PIGL: variants seen among roughly 807,000 people sequenced by gnomAD.
The protein encoded by PIGL is phosphatidylinositol glycan anchor biosynthesis class L.
PIGL carries 22 observed loss-of-function variants against 31.1 expected under a neutral mutation model. The ratio of observed to expected loss-of-function variants is 0.71; its 90% CI spans 0.51 to 1.01. PIGL has a LOEUF of 1.01. PIGL is among the 50% of genes least tolerant of loss of function. The pLI, the probability that PIGL is intolerant of heterozygous loss-of-function variation, is 0.00. For missense variants in PIGL, 302 were observed against 315.9 expected, an observed-to-expected ratio of 0.96 and a Z score of 0.33; for synonymous variants, 131 against 117.4, an observed-to-expected ratio of 1.12 and a Z score of -0.75.
At chr17:16,229,858 A>ATTTTTTTTTTTTTT (rs71150280) in intron 1 of PIGL, among the ~76,000 whole-genome samples, 2 of 97,700 alleles carry the variant, frequency 2.0e-5, no homozygotes, top group Non-Finnish European at 3.7e-5. Context: ...TAAAGTCATG[A>ATTTTTTTTTTTTTT]TTTTTTTTTT....
chr17:16,316,508 G>A (rs550984724), intron 4 of PIGL, among the ~76,000 whole-genome samples, 173 bp from the exon 5 acceptor site: 1 of 152,172 alleles, frequency 6.6e-6, no homozygotes, highest in Non-Finnish European at 1.5e-5. Context: ...TTCAGCTGTT[G>A]CCAGAGGTAT....
At chr17:16,235,069 A>C (rs907759525) in intron 2 of PIGL, among the ~76,000 whole-genome samples, 1 of 152,162 alleles carries the variant, frequency 6.6e-6, no homozygotes, top group African/African-American at 2.4e-5. Flanking sequence ...GAAAACTCCA[A>C]CCACCAGGTT....
chr17:16,224,858 G>A (rs530893640), intron 1 of PIGL, among the ~76,000 whole-genome samples: 3 of 151,354 alleles, frequency 2.0e-5, no homozygotes, highest in Admixed American at 6.6e-5. Flanking sequence ...GGGTTTCACC[G>A]TGTTAGCCAG....
rs183917402 is a variant in PIGL at position 16,311,548 on chromosome 17, G to T, written c.427-1999G>T. 4.2e-3 allele frequency among the ~76,000 whole-genome samples: 588 copies of T among 141,578 alleles called. 8 individuals are homozygous for T. The highest frequency in any genetic ancestry group is 0.015 in the African/African-American group (554 of 37,234). 92.9% of individuals were successfully genotyped at this position (141,578 alleles called of 152,430 possible). A position where few individuals can be genotyped will look rare whatever the true frequency, so the allele number is the denominator to read the frequency against. On this transcript the variant is annotated intron_variant, in intron 3 of 6. Coordinates refer to ENST00000225609, the MANE Select transcript of PIGL (RefSeq NM_004278.4). ...GTCATAGGACAATAGTGGAGGGAAG[G>T]TCAGCAGATAAACAAGTGAACAAAG...
intron 2 of PIGL, among the ~76,000 whole-genome samples, chr17:16,274,001 A>T (rs1181382906): frequency 6.6e-6 from 1 of 152,168 alleles, no homozygotes; most frequent in Non-Finnish European, 1.5e-5. Flanking sequence ...TAGCAAACTG[A>T]TGGCCTCCAT....
intron 4 of PIGL, among the ~76,000 whole-genome samples, chr17:16,316,391 C>G (rs1408478829): frequency 6.6e-6 from 1 of 152,232 alleles, no homozygotes; most frequent in Non-Finnish European, 1.5e-5. Flanking sequence ...GAGTCCAGCA[C>G]AGTTACCTTC....
At chr17:16,307,524 A>G (rs2093031042) in intron 3 of PIGL, among the ~76,000 whole-genome samples, 1 of 152,232 alleles carries the variant, frequency 6.6e-6, no homozygotes. Flanking sequence ...AGGAAACCAC[A>G]TTTAAAAATG....
chr17:16,223,305 G>A (rs1002438671), intron 1 of PIGL, among the ~76,000 whole-genome samples: 13 of 152,028 alleles, frequency 8.6e-5, no homozygotes, highest in Admixed American at 1.3e-4. Flanking sequence ...TTGGCCAGGC[G>A]CAGTGGCTCG....
intron 2 of PIGL, among the ~76,000 whole-genome samples, chr17:16,293,077 T>C (rs1365639317): frequency 2.6e-5 from 4 of 152,232 alleles, no homozygotes; most frequent in Non-Finnish European, 5.9e-5. Context: ...CTCAGATAGT[T>C]AGTCTAAAAG....
intron 2 of PIGL, among the ~76,000 whole-genome samples, chr17:16,271,009 A>G (rs1431765085): frequency 6.6e-6 from 1 of 152,212 alleles, no homozygotes; most frequent in Non-Finnish European, 1.5e-5. Context: ...GCTCAATTCA[A>G]CAATGTACCT....
intron 2 of PIGL, among the ~76,000 whole-genome samples, chr17:16,291,809 G>A (rs1340452965): frequency 3.3e-5 from 5 of 151,414 alleles, no homozygotes; most frequent in African/African-American, 4.9e-5. Flanking sequence ...AGGTTGCAGT[G>A]AGCTGAGATT....
intron 2 of PIGL, among the ~76,000 whole-genome samples, chr17:16,263,894 T>C (rs1462951370): frequency 2.9e-5 from 4 of 139,140 alleles, no homozygotes; most frequent in Admixed American, 1.6e-4. Flanking sequence ...CAGGCTGGAG[T>C]GCAATGGCAA....
chr17:16,225,338 C>T (rs999784508), intron 1 of PIGL, among the ~76,000 whole-genome samples: 20 of 148,252 alleles, frequency 1.3e-4, no homozygotes, highest in African/African-American at 4.0e-4. Context: ...CGGGGTGACT[C>T]GGTTCCATGT....
At chr17:16,306,720 G>C (rs1365521637) in intron 3 of PIGL, among the ~76,000 whole-genome samples, 2 of 151,898 alleles carry the variant, frequency 1.3e-5, no homozygotes, top group African/African-American at 4.8e-5. Context: ...GTAGAGACGG[G>C]GTTTCTCCAT....
intron 2 of PIGL, among the ~76,000 whole-genome samples, chr17:16,286,566 T>A (rs891997792): frequency 1.3e-5 from 2 of 152,334 alleles, no homozygotes; most frequent in Non-Finnish European, 2.9e-5. Context: ...GTTATTTTAA[T>A]GAACGCTTTT....
intron 1 of PIGL, among the ~76,000 whole-genome samples, chr17:16,228,929 A>G (rs191284791): frequency 4.7e-4 from 72 of 152,238 alleles, no homozygotes; most frequent in African/African-American, 1.7e-3. Flanking sequence ...GGCTTATGCT[A>G]ATTAGCATAC....
chr17:16,231,096 G>C (rs1236988265), intron 1 of PIGL, among the ~76,000 whole-genome samples: 2 of 139,230 alleles, frequency 1.4e-5, no homozygotes, highest in South Asian at 2.3e-4. Context: ...TTTTGGTAGA[G>C]AGAGGTCTTG....
chr17:16,296,137 C>A (rs1723783825), intron 2 of PIGL, among the ~76,000 whole-genome samples: 1 of 152,030 alleles, frequency 6.6e-6, no homozygotes, highest in African/African-American at 2.4e-5. Context: ...TATATGATGC[C>A]TTATAAAATA....
At chr17:16,235,938 A>G (rs536132433) in intron 2 of PIGL, among the ~76,000 whole-genome samples, 1 of 152,018 alleles carries the variant, frequency 6.6e-6, no homozygotes, top group East Asian at 1.9e-4. Flanking sequence ...CTTTATTTTA[A>G]AGACCCCCGT....
Sources: gnomAD v4.1 joint callset for allele counts (sites outside exome capture counted in the v4.1 genomes callset) on GRCh38, gnomAD v4.1.1 for gene constraint, MANE v1.5 for transcripts, NCBI Gene and HGNC (gene_info 2026-07-23, HGNC 2026-07-21) for gene names.